STK39: variants seen among roughly 807,000 people sequenced by gnomAD.
The protein encoded by STK39 is STE20/SPS1-related proline-alanine-rich protein kinase.
In STK39, 20 loss-of-function variants were observed where a neutral mutation model predicts 77.8. That is an observed-to-expected ratio of 0.26 (90% CI 0.18 to 0.37). The LOEUF (loss-of-function observed/expected upper bound fraction) is 0.37. STK39 is among the 10% of genes least tolerant of loss of function. The pLI is 1.00. For missense variants in STK39, 479 were observed against 656.5 expected, an observed-to-expected ratio of 0.73 and a Z score of 2.95; for synonymous variants, 246 against 234.1, an observed-to-expected ratio of 1.05 and a Z score of -0.47.
In STK39 at chr2:167,954,198, T is replaced by C. The variant is rs200289356; in HGVS notation, c.*1298A>G. ...ACTTTTTTTCCTTAGTAATATATAT[T>C]TGCTTTTTGAAGTACATTAAAGAGC... is the stretch of plus-strand genomic sequence containing the variant. On this transcript the variant is annotated 3_prime_UTR_variant, in exon 18 of 18. Transcript: ENST00000355999. The C allele has an allele frequency of 3.3e-5, 5 of 152,626 alleles. No homozygotes were observed. The highest frequency in any genetic ancestry group is 1.2e-4 in the African/African-American group (5 of 41,440). The allele number at this position is 152,626 out of a possible 1,614,324, so 9.5% of individuals were successfully genotyped here.
At chr2:167,959,788 G>A (rs890821776) in intron 17 of STK39, among the ~76,000 whole-genome samples, 1 of 152,164 alleles carries the variant, frequency 6.6e-6, no homozygotes, top group Non-Finnish European at 1.5e-5. Context: ...ACAGTGCCTG[G>A]CTCTGAGGAA....
intron 3 of STK39, 90 bp from the exon 4 acceptor site, chr2:168,163,970 AT>A: frequency 6.7e-7 from 1 of 1,484,924 alleles, no homozygotes; most frequent in Non-Finnish European, 9.0e-7. Context: ...TAATAGAAAC[AT>A]CAAAATATGG....
chr2:168,243,605 CAGGAG>C (rs1204574672), intron 1 of STK39, among the ~76,000 whole-genome samples: 4 of 152,152 alleles, frequency 2.6e-5, no homozygotes, highest in Non-Finnish European at 5.9e-5. Context: ...CCTGCTGAGG[CAGGAG>C]TCTAGGGTTT....
At chr2:168,187,088 C>G (rs1689228349) in intron 1 of STK39, among the ~76,000 whole-genome samples, 1 of 152,192 alleles carries the variant, frequency 6.6e-6, no homozygotes, top group African/African-American at 2.4e-5. Context: ...CATGGTGGCT[C>G]ACGCCTGTAA....
At chr2:168,144,517 G>C (rs1480579135) in intron 5 of STK39, among the ~76,000 whole-genome samples, 1 of 151,504 alleles carries the variant, frequency 6.6e-6, no homozygotes, top group Non-Finnish European at 1.5e-5. Context: ...TGTTGCCCAA[G>C]GTGTTCTCAA....
intron 14 of STK39, among the ~76,000 whole-genome samples, chr2:168,043,482 T>C (rs890926445): frequency 1.3e-5 from 2 of 152,252 alleles, no homozygotes; most frequent in Admixed American, 1.3e-4. Flanking sequence ...GATATTTCCC[T>C]ACTTGATTAA....
rs527550339 is a variant in STK39, at chr2:168,017,490, C to T, written c.1377-395G>A. On this transcript the variant is annotated intron_variant, in intron 14 of 17. Coordinates refer to ENST00000355999, the MANE Select transcript of STK39 (RefSeq NM_013233.3). ...GGTTCAAGCTATTCTCCTGTCTCAG[C>T]CTCCTGAGTAGCTGGAATTACAGGC... Among the ~76,000 whole-genome samples the T allele has an allele frequency of 6.7e-5, 10 of 149,664 alleles. No homozygotes were observed. In the East Asian group the frequency reaches 1.2e-3, roughly 18 times the overall value.
intron 5 of STK39, 63 bp from the exon 6 acceptor site, chr2:168,140,821 T>A: frequency 1.5e-6 from 2 of 1,323,934 alleles, no homozygotes; most frequent in South Asian, 1.4e-5. Flanking sequence ...AAATTGTGAT[T>A]TTTTGAGCAT....
intron 16 of STK39, among the ~76,000 whole-genome samples, chr2:167,968,599 T>C (rs1334945438): frequency 6.6e-6 from 1 of 152,140 alleles, no homozygotes; most frequent in Non-Finnish European, 1.5e-5. Context: ...TAGTAAGAAA[T>C]TTCTAACATT....
Position 167,954,183 on chromosome 2 carries a change from C to T in STK39, c.*1313G>A, listed in dbSNP as rs1476258203. 2 of 152,354 alleles carry T rather than the reference C, an allele frequency of 1.3e-5. No individual in the cohort carries two copies. The highest frequency in any genetic ancestry group is 3.9e-4 in the East Asian group (2 of 5,182). 9.4% of individuals were successfully genotyped at this position (152,354 alleles called of 1,614,324 possible). A position where few individuals can be genotyped will look rare whatever the true frequency, so the allele number is the denominator to read the frequency against. ...AGGCAATTATAAATAACTTTTTTTC[C>T]TTAGTAATATATATTTGCTTTTTGA... On this transcript the variant is annotated 3_prime_UTR_variant, in exon 18 of 18. Transcript: ENST00000355999.
intron 10 of STK39, among the ~76,000 whole-genome samples, chr2:168,116,304 C>T (rs957745632): frequency 8.5e-5 from 13 of 152,102 alleles, no homozygotes; most frequent in African/African-American, 2.9e-4. Context: ...TGTACAAGGG[C>T]GCCTTAATTT....
chr2:168,098,788 C>G (rs1686741206), intron 10 of STK39, among the ~76,000 whole-genome samples: 1 of 152,194 alleles, frequency 6.6e-6, no homozygotes, highest in South Asian at 2.1e-4. Context: ...TCCCATCTCA[C>G]ACACTCTTCC....
At chr2:168,171,510 C>CA (rs1274600163) in intron 2 of STK39, among the ~76,000 whole-genome samples, 1 of 140,390 alleles carries the variant, frequency 7.1e-6, no homozygotes, top group African/African-American at 2.7e-5. Flanking sequence ...TTTTTTTAGA[C>CA]AATCTCATTC....
intron 1 of STK39, among the ~76,000 whole-genome samples, chr2:168,182,501 T>C (rs1254080272): frequency 1.3e-5 from 2 of 152,206 alleles, no homozygotes; most frequent in African/African-American, 2.4e-5. Flanking sequence ...TAATTGATGT[T>C]TGAACACTCT....
intron 1 of STK39, among the ~76,000 whole-genome samples, chr2:168,233,750 A>C (rs1419982468): frequency 6.6e-6 from 1 of 152,198 alleles, no homozygotes; most frequent in African/African-American, 2.4e-5. Context: ...TAAACCTTAT[A>C]ATCAGTCCCT....
chr2:168,179,097 T>G (rs1360892572), intron 2 of STK39, among the ~76,000 whole-genome samples: 1 of 152,070 alleles, frequency 6.6e-6, no homozygotes, highest in Non-Finnish European at 1.5e-5. Context: ...CAAGAAGAGA[T>G]CCCAGTGGCC....
chr2:168,042,425 A>G (rs1216627779), intron 14 of STK39, among the ~76,000 whole-genome samples: 1 of 152,180 alleles, frequency 6.6e-6, no homozygotes, highest in Non-Finnish European at 1.5e-5. Flanking sequence ...GTTACTTTGT[A>G]TATTAAAAAC....
intron 10 of STK39, among the ~76,000 whole-genome samples, chr2:168,085,335 C>A (rs775496788): frequency 1.3e-5 from 2 of 152,320 alleles, no homozygotes; most frequent in South Asian, 4.1e-4. Flanking sequence ...GAGCTGGCCA[C>A]CCACGCCTGG....
chr2:168,246,108 A>G lies in STK39; in HGVS notation c.208+1120T>C, dbSNP rs1056754130. On this transcript the variant is annotated intron_variant, in intron 1 of 17. Coordinates refer to ENST00000355999, the MANE Select transcript of STK39 (RefSeq NM_013233.3). ...TTTTTTGAAGTGAAAGTTAGAAAAA[A>G]TACTTAAGATAAATATTCTGAACTC... 2.6e-5 allele frequency among the ~76,000 whole-genome samples: 4 copies of G among 152,116 alleles called. No homozygotes were observed. The South Asian group carries it at 8.3e-4, about 31-fold the overall frequency.
Sources: allele counts gnomAD v4.1 joint callset (sites outside exome capture counted in the v4.1 genomes callset), GRCh38; gene constraint gnomAD v4.1.1; transcripts MANE v1.5; gene names NCBI Gene and HGNC (gene_info 2026-07-23, HGNC 2026-07-21).